Variants in KCND2 observed in about 807,000 individuals in gnomAD.
KCND2 encodes potassium voltage-gated channel subfamily D member 2.
A neutral mutation model predicts 54.4 loss-of-function variants in KCND2; 16 were observed. The observed-to-expected ratio is 0.29, with a 90% CI of 0.20 to 0.45. The LOEUF is 0.45. Among genes scored for constraint, KCND2 ranks in the 20% least tolerant of loss-of-function variants. KCND2 has a pLI of 1.00. For synonymous variants in KCND2, 317 were observed against 310.7 expected, an observed-to-expected ratio of 1.02 and a Z score of -0.21; for missense variants, 486 against 824.2, an observed-to-expected ratio of 0.59 and a Z score of 5.02.
chr7:120,681,158 C>T (rs1374705305), intron 1 of KCND2, among the ~76,000 whole-genome samples: 1 of 152,046 alleles, frequency 6.6e-6, no homozygotes, highest in African/African-American at 2.4e-5. Context: ...TGCGTAGTCC[C>T]TAAAGAGTTG....
At chr7:120,531,601 G>T (rs909950453) in intron 1 of KCND2, among the ~76,000 whole-genome samples, 1 of 151,916 alleles carries the variant, frequency 6.6e-6, no homozygotes, top group African/African-American at 2.4e-5. Context: ...CTTGTTTCTC[G>T]ATATTTTTAC....
chr7:120,464,922 G>A (rs1443776406), intron 1 of KCND2, among the ~76,000 whole-genome samples: 1 of 152,156 alleles, frequency 6.6e-6, no homozygotes, highest in Non-Finnish European at 1.5e-5. Flanking sequence ...AAGGGCTCAT[G>A]TGATTAAATT....
At chr7:120,511,003 A>ATCTC (rs562798465) in intron 1 of KCND2, among the ~76,000 whole-genome samples, 26 of 127,570 alleles carry the variant, frequency 2.0e-4, no homozygotes, top group Non-Finnish European at 3.2e-4. Context: ...ACCTTTCCCC[A>ATCTC]TCTCTCTCTC....
intron 1 of KCND2, among the ~76,000 whole-genome samples, chr7:120,292,751 A>G (rs1799452985): frequency 6.6e-6 from 1 of 151,922 alleles, no homozygotes. Flanking sequence ...TTAAACTGAA[A>G]TTGTTTTCAT....
At chr7:120,576,048 T>G (rs925707919) in intron 1 of KCND2, among the ~76,000 whole-genome samples, 1 of 152,208 alleles carries the variant, frequency 6.6e-6, no homozygotes, top group Non-Finnish European at 1.5e-5. Context: ...TGGTTTTGAG[T>G]GTTATGCATA....
chr7:120,578,129 G>A (rs1476414933), intron 1 of KCND2, among the ~76,000 whole-genome samples: 1 of 151,714 alleles, frequency 6.6e-6, no homozygotes, highest in African/African-American at 2.4e-5. Flanking sequence ...GAAGGAAGAA[G>A]GAAGAAAAAT....
At chr7:120,342,742 T>C (rs1327294868) in intron 1 of KCND2, among the ~76,000 whole-genome samples, 1 of 152,180 alleles carries the variant, frequency 6.6e-6, no homozygotes, top group Non-Finnish European at 1.5e-5. Context: ...ATTTTATGAA[T>C]AATAGAATGC....
At chr7:120,741,065 AAGG>A (rs928332262) in intron 2 of KCND2, among the ~76,000 whole-genome samples, 11 of 151,712 alleles carry the variant, frequency 7.3e-5, no homozygotes, top group African/African-American at 2.7e-4. Flanking sequence ...AAAAAAAAGA[AAGG>A]AAGGAAGGAA....
intron 1 of KCND2, among the ~76,000 whole-genome samples, chr7:120,652,169 G>T (rs1002319847): frequency 6.6e-6 from 1 of 151,808 alleles, no homozygotes; most frequent in Admixed American, 6.6e-5. Flanking sequence ...TCCGCCTCCC[G>T]GGTTCAAGTG....
intron 1 of KCND2, among the ~76,000 whole-genome samples, chr7:120,548,654 A>G (rs1384901622): frequency 1.3e-5 from 2 of 152,178 alleles, no homozygotes; most frequent in Non-Finnish European, 2.9e-5. Context: ...TGTCAAATGA[A>G]TGAATTCAAC....
At chr7:120,744,024 C>T (rs1052421879) in intron 4 of KCND2, among the ~76,000 whole-genome samples, 1 of 152,226 alleles carries the variant, frequency 6.6e-6, no homozygotes, top group African/African-American at 2.4e-5. Context: ...CTTTGGAAGG[C>T]CAAGGTGGGC....
At chr7:120,361,224 G>T (rs1368797577) in intron 1 of KCND2, among the ~76,000 whole-genome samples, 5 of 151,896 alleles carry the variant, frequency 3.3e-5, no homozygotes, top group Non-Finnish European at 7.4e-5. Flanking sequence ...TTGAAAAAAA[G>T]GGGCTGCTTA....
chr7:120,748,757 T>C lies in KCND2; in HGVS notation c.*899T>C, dbSNP rs573369640. ...TAATCCAAAACTATTGTGCCATAAA[T>C]GTTTTTCAGTAATATTTTTTGGTCC... On this transcript the variant is annotated 3_prime_UTR_variant, in exon 6 of 6. Transcript: ENST00000331113. 6 of 152,192 alleles carry C rather than the reference T, an allele frequency of 3.9e-5. No individual in the cohort carries two copies. The highest frequency in any genetic ancestry group is 3.4e-3 in the Middle Eastern group (1 of 294). 9.4% of individuals were successfully genotyped at this position (152,192 alleles called of 1,614,324 possible).
chr7:120,687,809 ATATAAT>A (rs1466967091), intron 1 of KCND2, among the ~76,000 whole-genome samples: 3 of 152,340 alleles, frequency 2.0e-5, no homozygotes, highest in South Asian at 4.1e-4. Flanking sequence ...TTACATAAAT[ATATAAT>A]TATAATCTTT....
intron 1 of KCND2, among the ~76,000 whole-genome samples, chr7:120,576,667 C>A (rs1021616856): frequency 2.0e-5 from 3 of 151,852 alleles, no homozygotes; most frequent in Admixed American, 6.6e-5. Flanking sequence ...ACTTCTAAAT[C>A]TGTTTTCTTC....
chr7:120,727,678 C>T (rs1468091230), intron 1 of KCND2, among the ~76,000 whole-genome samples: 1 of 152,142 alleles, frequency 6.6e-6, no homozygotes, highest in Non-Finnish European at 1.5e-5. Flanking sequence ...GCAAAAGGCA[C>T]TTCCATGTTG....
intron 1 of KCND2, among the ~76,000 whole-genome samples, chr7:120,345,255 T>G (rs917807664): frequency 6.6e-6 from 1 of 152,038 alleles, no homozygotes; most frequent in Non-Finnish European, 1.5e-5. Flanking sequence ...GAGAAATGAG[T>G]GGTTAATTGG....
intron 1 of KCND2, among the ~76,000 whole-genome samples, chr7:120,721,930 A>G (rs2116106338): frequency 6.6e-6 from 1 of 152,246 alleles, no homozygotes; most frequent in East Asian, 1.9e-4. Context: ...ATAAGTCTCA[A>G]GAGAGCTGAT....
At chr7:120,622,472 C>T (rs186913949) in intron 1 of KCND2, among the ~76,000 whole-genome samples, 43 of 148,588 alleles carry the variant, frequency 2.9e-4, no homozygotes, top group Non-Finnish European at 5.9e-4. Context: ...AATTAATTAA[C>T]CATGCGAAAT....
Sources: allele counts gnomAD v4.1 joint callset (sites outside exome capture counted in the v4.1 genomes callset), GRCh38; gene constraint gnomAD v4.1.1; transcripts MANE v1.5; gene names NCBI Gene and HGNC (gene_info 2026-07-23, HGNC 2026-07-21).